Variants in STARD9 observed in about 807,000 individuals in gnomAD.
STARD9 encodes the protein stAR-related lipid transfer protein 9.
A neutral mutation model predicts 399.8 loss-of-function variants in STARD9; 346 were observed. The observed-to-expected ratio is 0.87, with a 90% CI of 0.79 to 0.95. STARD9 has a LOEUF of 0.95. Among genes scored for constraint, STARD9 ranks in the 40% least tolerant of loss-of-function variants. The probability of loss-of-function intolerance (pLI) is 0.00; values close to 1 mark genes in which losing one functional copy is unlikely to be tolerated. For missense variants in STARD9, 5,832 were observed against 5,667.5 expected, an observed-to-expected ratio of 1.03 and a Z score of -0.93; for synonymous variants, 2,203 against 2,143.5, an observed-to-expected ratio of 1.03 and a Z score of -0.77.
At chr15:42,681,724 T>G in intron 21 of STARD9, 112 bp downstream of exon 21, 1 of 999,604 alleles carries the variant, frequency 1.0e-6, no homozygotes, top group Non-Finnish European at 1.4e-6. Flanking sequence ...GATGGAATCT[T>G]TGGTATTAGG....
At position 42,603,686 on chromosome 15, in the gene STARD9, A is replaced by G. The variant is rs77679695; in HGVS notation, c.234+18049A>G. On this transcript the variant is annotated intron_variant, in intron 3 of 32. Transcript: ENST00000290607. ...CAGGCAGGGGGCTAGGGAATGGGGAATATTGATTGGTTGGGTCTGGGATGA... is the reference window on the plus strand; with the variant it reads ...CAGGCAGGGGGCTAGGGAATGGGGAGTATTGATTGGTTGGGTCTGGGATGA... Among the ~76,000 whole-genome samples, 335 of 152,182 alleles carry G rather than the reference A, an allele frequency of 2.2e-3. 3 individuals are homozygous for G. The highest frequency in any genetic ancestry group is 7.9e-3 in the African/African-American group (328 of 41,522).
rs1470951994 is a variant in STARD9 at position 42,690,823 on chromosome 15, T to C, written c.9245T>C (p.Ile3082Thr). Residue 3082 changes from isoleucine to threonine, a missense_variant, in exon 23 of 33, where the codon ATA (isoleucine) becomes ACA (threonine). This residue lies in a region of STARD9 where 5,828 missense variants were observed against 5,651.1 expected (regional missense o/e 1.03). Transcript: ENST00000290607. ...GCTACTGATGGAAGCGTGGGGTTAA[T>C]AGGGGTTCCTGAGAAAAAGGTTGCT... ...HSATDGSVGL[I>T]GVPEKKVAEK... 5.2e-6 allele frequency: 8 copies of C among 1,535,792 alleles called. No individual in the cohort carries two copies. The highest frequency in any genetic ancestry group is 2.4e-5 in the East Asian group (1 of 40,936).
chr15:42,618,964 T>C (rs1476599016), intron 3 of STARD9, among the ~76,000 whole-genome samples: 1 of 152,196 alleles, frequency 6.6e-6, no homozygotes, highest in Non-Finnish European at 1.5e-5. Context: ...ATCTATTTCA[T>C]TGTTTTTCCA....
At chr15:42,591,740 A>C (rs2058398812) in intron 3 of STARD9, among the ~76,000 whole-genome samples, 1 of 152,228 alleles carries the variant, frequency 6.6e-6, no homozygotes, top group Non-Finnish European at 1.5e-5. Flanking sequence ...CTTAGTGGTG[A>C]AATGCCTGAG....
chr15:42,654,964 T>A (rs201015617), intron 9 of STARD9, among the ~76,000 whole-genome samples: 1 of 152,124 alleles, frequency 6.6e-6, no homozygotes, highest in East Asian at 1.9e-4. Context: ...AGAGCCCACA[T>A]AGCCAAAGCA....
Position 42,634,953 on chromosome 15 carries a change from A to T in STARD9, c.332A>T (p.Tyr111Phe). The change falls in exon 4 of 33, where the codon TAT becomes TTT. Residue 111 changes from tyrosine (Y) to phenylalanine (F), a missense_variant. Transcript: ENST00000290607. ...AYGQTGSGKT[Y>F]TMLGTPASVG... Reference sequence around the variant, plus strand: ...GGACAGACAGGCTCTGGGAAGACATATACCATGCTGGGGACCCCAGTGAGT... The same window carrying T: ...GGACAGACAGGCTCTGGGAAGACATTTACCATGCTGGGGACCCCAGTGAGT... The T allele has an allele frequency of 6.5e-7, 1 of 1,536,104 alleles. No homozygotes were observed. The highest frequency in any genetic ancestry group is 1.4e-5 in the African/African-American group (1 of 73,126).
chr15:42,709,791 A>C lies in STARD9; in HGVS notation c.13285-6886A>C, dbSNP rs563119110. Among the ~76,000 whole-genome samples the C allele has an allele frequency of 4.6e-5, 7 of 152,324 alleles. No individual in the cohort carries two copies. In the South Asian group the frequency reaches 1.4e-3, roughly 32 times the overall value. ...CTACTGGTGTATCTTACCTGTAAAA[A>C]TTATTACTGTGATATTTTAGGGAAT... On this transcript the variant is annotated intron_variant, in intron 26 of 32. Transcript: ENST00000290607.
chr15:42,587,385 G>T (rs993914115), intron 3 of STARD9, among the ~76,000 whole-genome samples: 1 of 152,158 alleles, frequency 6.6e-6, no homozygotes, highest in African/African-American at 2.4e-5. Context: ...TGCTGTCACA[G>T]TGGGCCTCTT....
chr15:42,689,689 AAAAG>A lies in STARD9; in HGVS notation c.8117_8120del (p.Lys2706MetfsTer29). 2.6e-6 allele frequency: 4 copies of A among 1,537,852 alleles called. No homozygotes were observed. Among genetic ancestry groups the A allele is most frequent in the African/African-American group, 1.4e-5 (1 of 73,188 alleles). ...TCTAGTTCTTCTGAAATCATAGAGA[AAAAG>A]AAAGATGCAACCAGAACACCTTCCT... On this transcript the variant is annotated frameshift_variant, in exon 23 of 33. Coordinates refer to ENST00000290607, the MANE Select transcript of STARD9 (RefSeq NM_020759.3). LOFTEE classifies it high-confidence loss of function.
chr15:42,579,515 C>T (rs2058124868), intron 1 of STARD9, among the ~76,000 whole-genome samples: 1 of 152,022 alleles, frequency 6.6e-6, no homozygotes, highest in Non-Finnish European at 1.5e-5. Context: ...GATACTAACA[C>T]TTGAGCTGTC....
intron 9 of STARD9, among the ~76,000 whole-genome samples, chr15:42,656,074 A>G (rs2059862349): frequency 6.6e-6 from 1 of 152,056 alleles, no homozygotes; most frequent in African/African-American, 2.4e-5. Flanking sequence ...ATCCAAAAAG[A>G]GGCTGGGTCA....
chr15:42,684,314 G>A lies in STARD9; in HGVS notation c.2736G>A (p.Arg912=). ...GCACAGCCAGAGCAGCCTTGGCCAG[G>A]AAGGGAGCCTCAGCTCCAGACGCTT... The part of the protein sequence containing the change: ...QPCTARAALA[R]KGASAPDACL... The change falls in exon 23 of 33, where the codon AGG becomes AGA. Residue 912 remains arginine, a synonymous_variant. Transcript: ENST00000290607. 2.0e-6 allele frequency: 3 copies of A among 1,536,830 alleles called. No homozygotes were observed. The highest frequency in any genetic ancestry group is 2.0e-5 in the Admixed American group (1 of 50,988).
chr15:42,689,694 A>G lies in STARD9; in HGVS notation c.8116A>G (p.Lys2706Glu), dbSNP rs1432435403. 2 of 1,537,762 alleles carry G rather than the reference A, an allele frequency of 1.3e-6. No homozygotes were observed. The highest frequency in any genetic ancestry group is 1.7e-6 in the Non-Finnish European group (2 of 1,147,044). The change falls in exon 23 of 33, where the codon AAA becomes GAA. Residue 2706 changes from lysine (K) to glutamate (E), a missense_variant. Lys to Glu is a moderately conservative substitution (Grantham distance 56). Coordinates refer to ENST00000290607, the MANE Select transcript of STARD9 (RefSeq NM_020759.3). ...SSSSEIIEKK[K>E]DATRTPSSAD... ...TTCTTCTGAAATCATAGAGAAAAAG[A>G]AAGATGCAACCAGAACACCTTCCTC...
At chr15:42,599,037 C>T (rs1199724832) in intron 3 of STARD9, among the ~76,000 whole-genome samples, 1 of 152,164 alleles carries the variant, frequency 6.6e-6, no homozygotes, top group East Asian at 1.9e-4. Context: ...GATTCTCCTG[C>T]CTCAGCCTCC....
In STARD9 at chr15:42,717,759, A is replaced by C; in HGVS notation, c.13523A>C (p.His4508Pro). Residue 4508 changes from histidine to proline, a missense_variant, in exon 29 of 33, where the codon CAC becomes CCC. By Grantham distance (77) the His-to-Pro change is moderately conservative. This residue lies in a region of STARD9 where 5,828 missense variants were observed against 5,651.1 expected (regional missense o/e 1.03). Transcript: ENST00000290607. ...ATGGCTGCTTGTTCGGATAATTTGCACAACCTCTTCAGCTGCCAGGCAACT... is the reference window on the plus strand; with the variant it reads ...ATGGCTGCTTGTTCGGATAATTTGCCCAACCTCTTCAGCTGCCAGGCAACT... The part of the protein sequence containing the change: ...DVMAACSDNL[H>P]NLFSCQATAG... The C allele has an allele frequency of 2.0e-6, 3 of 1,537,214 alleles. No homozygotes were observed. The highest frequency in any genetic ancestry group is 2.6e-6 in the Non-Finnish European group (3 of 1,146,908).
chr15:42,591,939 G>A (rs893798586), intron 3 of STARD9, among the ~76,000 whole-genome samples: 3 of 152,164 alleles, frequency 2.0e-5, no homozygotes, highest in Admixed American at 1.3e-4. Context: ...GGAAACTGAG[G>A]CATAGAACGT....
At chr15:42,612,706 A>C (rs4447398) in intron 3 of STARD9, among the ~76,000 whole-genome samples, 116,914 of 152,134 alleles carry the variant, frequency 0.77, 46,025 homozygotes, top group Non-Finnish European at 0.87. Flanking sequence ...AAAATCCAGC[A>C]GGTTGCAGTG....
chr15:42,675,698 C>G lies in STARD9; in HGVS notation c.1722C>G (p.Phe574Leu). The part of the protein sequence containing the change: ...AVITLGKAQK[F>L]RFNHPAEAAV... ...TAACCCTGGGGAAGGCACAGAAGTT[C>G]CGATTCAACCACCCAGCAGAGGCTG... The change falls in exon 19 of 33, where the codon TTC (phenylalanine) becomes TTG (leucine). Residue 574 changes from phenylalanine (F) to leucine (L), a missense_variant. Phe to Leu is a conservative substitution (Grantham distance 22). Transcript: ENST00000290607. 4 of 1,537,186 alleles carry G rather than the reference C, an allele frequency of 2.6e-6. No individual in the cohort carries two copies. Among genetic ancestry groups the G allele is most frequent in the Non-Finnish European group, 2.6e-6 (3 of 1,146,870 alleles).
At chr15:42,588,722 A>G (rs2058330875) in intron 3 of STARD9, among the ~76,000 whole-genome samples, 1 of 139,112 alleles carries the variant, frequency 7.2e-6, no homozygotes, top group African/African-American at 2.7e-5. Flanking sequence ...ATACAATCTT[A>G]GGACTTGGGG....
Sources: allele counts gnomAD v4.1 joint callset (sites outside exome capture counted in the v4.1 genomes callset), GRCh38; gene constraint gnomAD v4.1.1; regional missense constraint gnomAD v4.1.1; transcripts MANE v1.5; gene names NCBI Gene and HGNC (gene_info 2026-07-23, HGNC 2026-07-21).